The following ATXN7L1 variants were observed in gnomAD, a reference collection of about 807,000 sequenced individuals.
ATXN7L1 encodes ataxin 7 like 1.
A neutral mutation model predicts 70.8 loss-of-function variants in ATXN7L1; 15 were observed. That is an observed-to-expected ratio of 0.21 (90% CI 0.14 to 0.33). ATXN7L1 has a LOEUF of 0.33. Among genes scored for constraint, ATXN7L1 ranks in the 10% least tolerant of loss-of-function variants. ATXN7L1 has a pLI of 1.00. For synonymous variants in ATXN7L1, 440 were observed against 445.1 expected, an observed-to-expected ratio of 0.99 and a Z score of 0.14; for missense variants, 975 against 1,097.1, an observed-to-expected ratio of 0.89 and a Z score of 1.57.
intron 3 of ATXN7L1, among the ~76,000 whole-genome samples, chr7:105,669,552 A>G (rs1803196231): frequency 2.0e-5 from 3 of 152,312 alleles, no homozygotes; most frequent in Non-Finnish European, 4.4e-5. Context: ...AAACTGAATT[A>G]AATCAGAAGG....
chr7:105,846,159 A>G (rs902639051), intron 2 of ATXN7L1, among the ~76,000 whole-genome samples: 5 of 152,204 alleles, frequency 3.3e-5, no homozygotes, highest in African/African-American at 9.6e-5. Flanking sequence ...TAAGAAATAT[A>G]TAATTTCTTA....
intron 10 of ATXN7L1, among the ~76,000 whole-genome samples, chr7:105,612,606 C>T (rs550992233): frequency 3.5e-4 from 54 of 152,286 alleles, no homozygotes; most frequent in Non-Finnish European, 7.4e-4. Flanking sequence ...CCTGTGGGTG[C>T]CAGCCCCCCT....
At chr7:105,707,312 G>A (rs1385945115) in intron 3 of ATXN7L1, among the ~76,000 whole-genome samples, 1 of 152,228 alleles carries the variant, frequency 6.6e-6, no homozygotes, top group Non-Finnish European at 1.5e-5. Context: ...GTGGGAAGAA[G>A]TGGAGGTCCT....
intron 7 of ATXN7L1, among the ~76,000 whole-genome samples, chr7:105,628,828 T>C (rs1289475839): frequency 7.2e-6 from 1 of 139,456 alleles, no homozygotes; most frequent in Non-Finnish European, 1.5e-5. Flanking sequence ...AATAAATAAA[T>C]AAATAAATAA....
chr7:105,711,909 C>T lies in ATXN7L1; in HGVS notation c.356-46621G>A, dbSNP rs693292. On this transcript the variant is annotated intron_variant, in intron 3 of 11. Coordinates refer to ENST00000419735, the MANE Select transcript of ATXN7L1 (RefSeq NM_020725.2). ...TAGTAGAGGTTCTCCTTGAGGGCTC[C>T]GCCCCTGCAGCAGACTTCTGCCTAG... Among the ~76,000 whole-genome samples the T allele has an allele frequency of 2.8e-3, 421 of 152,362 alleles. 5 individuals are homozygous for T. Among genetic ancestry groups the T allele is most frequent in the African/African-American group, 9.3e-3 (386 of 41,596 alleles).
intron 4 of ATXN7L1, among the ~76,000 whole-genome samples, chr7:105,650,839 A>T (rs558997413): frequency 6.6e-5 from 10 of 152,254 alleles, no homozygotes; most frequent in Admixed American, 1.3e-4. Context: ...AAAAATGGCC[A>T]GAAGCAAATC....
intron 3 of ATXN7L1, among the ~76,000 whole-genome samples, chr7:105,735,853 TATTA>T (rs1256565185): frequency 1.1e-4 from 17 of 152,322 alleles, no homozygotes; most frequent in South Asian, 1.0e-3. Flanking sequence ...ATTAATCATA[TATTA>T]ATTAATCAAA....
chr7:105,662,121 A>T (rs1223892332), intron 4 of ATXN7L1, among the ~76,000 whole-genome samples: 1 of 110,544 alleles, frequency 9.0e-6, no homozygotes, highest in African/African-American at 3.6e-5. Context: ...TTTTTTTTTT[A>T]AGCCAGAGTC....
chr7:105,691,658 T>TAAAAAAAAAAAAAGAAA (rs1790860484), intron 3 of ATXN7L1: 1 of 110,940 alleles, frequency 9.0e-6, no homozygotes, highest in Non-Finnish European at 1.8e-5. Context: ...CGGATGTCAG[T>TAAAAAAAAAAAAAGAAA]AAAAAAAAAA....
intron 3 of ATXN7L1, among the ~76,000 whole-genome samples, chr7:105,668,922 T>A (rs1004775504): frequency 7.2e-5 from 11 of 151,904 alleles, no homozygotes; most frequent in Non-Finnish European, 1.5e-5. Context: ...TATATATATT[T>A]TTTTTTTGCA....
intron 3 of ATXN7L1, among the ~76,000 whole-genome samples, chr7:105,778,510 CAAAAA>C (rs745820046): frequency 2.9e-5 from 1 of 34,156 alleles, no homozygotes; most frequent in African/African-American, 1.2e-4. Flanking sequence ...GACCCTATCT[CAAAAA>C]AAAAAAAAAA....
At chr7:105,834,261 T>A (rs956810415) in intron 2 of ATXN7L1, among the ~76,000 whole-genome samples, 1 of 151,948 alleles carries the variant, frequency 6.6e-6, no homozygotes, top group African/African-American at 2.4e-5. Flanking sequence ...AGGCTGGTCT[T>A]GAACTCCTGA....
At chr7:105,828,114 C>T (rs1374378877) in intron 2 of ATXN7L1, among the ~76,000 whole-genome samples, 1 of 152,072 alleles carries the variant, frequency 6.6e-6, no homozygotes, top group African/African-American at 2.4e-5. Flanking sequence ...AAAAAAATTA[C>T]ATAACTTGCC....
intron 2 of ATXN7L1, among the ~76,000 whole-genome samples, chr7:105,802,790 A>T (rs983008707): frequency 6.6e-6 from 1 of 152,168 alleles, no homozygotes; most frequent in Non-Finnish European, 1.5e-5. Flanking sequence ...CCTGCACAGC[A>T]GCCTGGCTCT....
chr7:105,633,240 G>A (rs1004614901), intron 7 of ATXN7L1, among the ~76,000 whole-genome samples: 2 of 152,180 alleles, frequency 1.3e-5, no homozygotes, highest in African/African-American at 4.8e-5. Context: ...GGAAGCTAAT[G>A]AAAGAGGTAC....
intron 2 of ATXN7L1, among the ~76,000 whole-genome samples, chr7:105,816,536 G>A (rs1809222880): frequency 6.6e-6 from 1 of 152,230 alleles, no homozygotes; most frequent in Admixed American, 6.5e-5. Context: ...TCGTGCTGCT[G>A]AAAACTTCCA....
chr7:105,831,329 T>A (rs995965772), intron 2 of ATXN7L1, among the ~76,000 whole-genome samples: 1 of 152,244 alleles, frequency 6.6e-6, no homozygotes, highest in Non-Finnish European at 1.5e-5. Flanking sequence ...GGAGGTCTCC[T>A]AAATTGCTCT....
At chr7:105,643,234 T>A in intron 4 of ATXN7L1, 113 bp from the exon 5 acceptor site, 1 of 1,236,542 alleles carries the variant, frequency 8.1e-7, no homozygotes, top group Non-Finnish European at 1.1e-6. Flanking sequence ...TTATTTATAC[T>A]CCTTCTATAA....
intron 3 of ATXN7L1, among the ~76,000 whole-genome samples, chr7:105,700,709 G>A (rs1217219218): frequency 6.6e-6 from 1 of 151,838 alleles, no homozygotes; most frequent in East Asian, 1.9e-4. Flanking sequence ...TTGAGATAGG[G>A]TCTGGCTCTA....
Sources: gnomAD v4.1 joint callset for allele counts (sites outside exome capture counted in the v4.1 genomes callset) on GRCh38, gnomAD v4.1.1 for gene constraint, MANE v1.5 for transcripts, NCBI Gene and HGNC (gene_info 2026-07-23, HGNC 2026-07-21) for gene names.